PLPPR4: variants seen among roughly 807,000 people sequenced by gnomAD.
PLPPR4 encodes phospholipid phosphatase-related protein type 4.
Under a neutral mutation model 56.6 loss-of-function variants are expected in PLPPR4, and 24 were observed. The observed-to-expected ratio is 0.42, with a 90% CI of 0.31 to 0.60. PLPPR4 has a LOEUF of 0.60. Ranked by LOEUF, PLPPR4 falls within the 20% of genes least tolerant of loss-of-function variation. PLPPR4 has a pLI of 0.13. For synonymous variants in PLPPR4, 326 were observed against 328.1 expected, an observed-to-expected ratio of 0.99 and a Z score of 0.07; for missense variants, 654 against 885.8, an observed-to-expected ratio of 0.74 and a Z score of 3.32.
At chr1:99,287,804 T>C (rs143747567) in intron 1 of PLPPR4, among the ~76,000 whole-genome samples, 161 bp from the exon 2 acceptor site, 2 of 152,170 alleles carry the variant, frequency 1.3e-5, no homozygotes, top group African/African-American at 4.8e-5. Flanking sequence ...GGGGGGTGAA[T>C]TGGAATCCAT....
intron 2 of PLPPR4, among the ~76,000 whole-genome samples, chr1:99,294,697 A>G (rs1431641542): frequency 7.2e-6 from 1 of 138,598 alleles, no homozygotes; most frequent in Admixed American, 7.0e-5. Flanking sequence ...CTCAGTCTCA[A>G]AAAAAAAAAA....
At chr1:99,288,349 A>G (rs887095384) in intron 2 of PLPPR4, among the ~76,000 whole-genome samples, 199 bp downstream of exon 2, 2 of 152,190 alleles carry the variant, frequency 1.3e-5, no homozygotes, top group African/African-American at 4.8e-5. Flanking sequence ...ACATTTTATG[A>G]TTGGAGAAAT....
chr1:99,274,815 T>C (rs963941653), intron 1 of PLPPR4, among the ~76,000 whole-genome samples: 10 of 152,170 alleles, frequency 6.6e-5, no homozygotes. Context: ...GCCATTCTTA[T>C]CTTTCCAGAG....
rs779657578 is a variant in PLPPR4, at chr1:99,264,568, G to A, written c.-26G>A. On this transcript the variant is annotated 5_prime_UTR_variant, in exon 1 of 7. Coordinates refer to ENST00000370185, the MANE Select transcript of PLPPR4 (RefSeq NM_014839.5). ...GCTGTGCACACCTCGCCCGGGGGAG[G>A]ACGCAGACCCGGGCAGGCGGCAGGG... 6.4e-7 allele frequency: 1 copy of A among 1,550,992 alleles called. No individual in the cohort carries two copies. Among genetic ancestry groups the A allele is most frequent in the Non-Finnish European group, 8.7e-7 (1 of 1,147,068 alleles).
intron 4 of PLPPR4, among the ~76,000 whole-genome samples, chr1:99,299,841 C>T (rs1659838784): frequency 6.6e-6 from 1 of 151,902 alleles, no homozygotes; most frequent in Non-Finnish European, 1.5e-5. Flanking sequence ...CAATGCATTA[C>T]ATTTCTTAAT....
chr1:99,291,094 C>T (rs1659608268), intron 2 of PLPPR4, among the ~76,000 whole-genome samples: 1 of 148,392 alleles, frequency 6.7e-6, no homozygotes, highest in East Asian at 2.0e-4. Flanking sequence ...AACAAATTTA[C>T]CAAAAAAAAA....
chr1:99,266,059 G>T (rs1472992902), intron 1 of PLPPR4, among the ~76,000 whole-genome samples: 1 of 152,134 alleles, frequency 6.6e-6, no homozygotes, highest in Non-Finnish European at 1.5e-5. Context: ...ACATGGTTTA[G>T]GTAATTTTTG....
intron 1 of PLPPR4, among the ~76,000 whole-genome samples, chr1:99,278,569 A>G (rs908790416): frequency 2.0e-5 from 3 of 152,174 alleles, no homozygotes; most frequent in African/African-American, 7.2e-5. Flanking sequence ...CTCAGGTCTT[A>G]GTCTCTAACG....
intron 2 of PLPPR4, among the ~76,000 whole-genome samples, chr1:99,289,253 C>T (rs922220896): frequency 2.6e-5 from 4 of 152,092 alleles, no homozygotes; most frequent in East Asian, 1.9e-4. Flanking sequence ...CTAATGAATT[C>T]GCCTATTCAG....
intron 6 of PLPPR4, among the ~76,000 whole-genome samples, chr1:99,302,188 A>G (rs1368401258): frequency 6.6e-6 from 1 of 152,120 alleles, no homozygotes; most frequent in East Asian, 1.9e-4. Flanking sequence ...ATAATGCTAC[A>G]GATGAGGAAA....
In PLPPR4 at chr1:99,306,096, T is replaced by C. The variant is rs186804853; in HGVS notation, c.1234T>C (p.Leu412=). ...GAAGAATAAGAATGAAAGTCGAAAG[T>C]TGTCCTTGCAAGTTATAGAGCCTGA... ...QWKNKNESRK[L]SLQVIEPEPG... Residue 412 remains leucine, a synonymous_variant, in exon 7 of 7, where the codon TTG becomes CTG. Transcript: ENST00000370185. This position sits in a 1 kb window ranked among gnomAD's most constrained non-coding sequence, Gnocchi z 4.0. 1 of 1,614,044 alleles carries C rather than the reference T, an allele frequency of 6.2e-7. No homozygotes were observed. Among genetic ancestry groups the C allele is most frequent in the South Asian group, 1.1e-5 (1 of 91,068 alleles).
chr1:99,291,453 C>T (rs140757007), intron 2 of PLPPR4, among the ~76,000 whole-genome samples: 1 of 152,150 alleles, frequency 6.6e-6, no homozygotes, highest in Non-Finnish European at 1.5e-5. Context: ...ATAAATCATT[C>T]TATTATAAAG....
At chr1:99,277,311 T>A (rs185311049) in intron 1 of PLPPR4, among the ~76,000 whole-genome samples, 23 of 152,326 alleles carry the variant, frequency 1.5e-4, no homozygotes, top group Admixed American at 9.8e-4. Flanking sequence ...TCTACTCTTG[T>A]CTGCAGCCAA....
chr1:99,305,972 G>A lies in PLPPR4; in HGVS notation c.1110G>A (p.Pro370=), dbSNP rs202142961. The change falls in exon 7 of 7, where the codon CCG becomes CCA. Residue 370 remains proline, a synonymous_variant. Coordinates refer to ENST00000370185, the MANE Select transcript of PLPPR4 (RefSeq NM_014839.5). ...ENMVTFSNTL[P]RANTPSVEDP... ...TGGTTACCTTCAGCAATACCTTGCC[G>A]CGAGCCAATACCCCATCTGTAGAAG... The A allele has an allele frequency of 8.7e-6, 14 of 1,613,958 alleles. No individual in the cohort carries two copies. In the South Asian group the frequency reaches 1.1e-4, roughly 13 times the overall value.
At chr1:99,278,617 T>G (rs1438926727) in intron 1 of PLPPR4, among the ~76,000 whole-genome samples, 1 of 152,138 alleles carries the variant, frequency 6.6e-6, no homozygotes, top group East Asian at 1.9e-4. Context: ...CAATGCACAT[T>G]CTTCAGTGTC....
intron 6 of PLPPR4, among the ~76,000 whole-genome samples, chr1:99,303,047 T>A (rs1288775753): frequency 6.6e-6 from 1 of 152,116 alleles, no homozygotes; most frequent in African/African-American, 2.4e-5. Flanking sequence ...AACAAAGTAT[T>A]TTAGGAATAG....
At chr1:99,298,658 G>A (rs984647412) in intron 3 of PLPPR4, among the ~76,000 whole-genome samples, 1 of 152,120 alleles carries the variant, frequency 6.6e-6, no homozygotes, top group African/African-American at 2.4e-5. Flanking sequence ...AATAACCCTG[G>A]CAACTTAAAA....
Position 99,306,155 on chromosome 1 carries a change from G to A in PLPPR4, c.1293G>A (p.Met431Ile). The A allele has an allele frequency of 6.2e-7, 1 of 1,614,138 alleles. No homozygotes were observed. The highest frequency in any genetic ancestry group is 1.7e-4 in the Middle Eastern group (1 of 6,060). The stretch of plus-strand genomic sequence containing the variant: ...AGTCACCACCCAGATCCATAGAAAT[G>A]AGGTCAAGCTCAGAGCCATCGAGGG... ...PGQSPPRSIE[M>I]RSSSEPSRVG... The change falls in exon 7 of 7, where the codon ATG (methionine) becomes ATA (isoleucine). Residue 431 changes from methionine to isoleucine, a missense_variant. This residue lies in a region of PLPPR4 where 468 missense variants were observed against 554.3 expected (regional missense o/e 0.84). Coordinates refer to ENST00000370185, the MANE Select transcript of PLPPR4 (RefSeq NM_014839.5). This position sits in a 1 kb window ranked among gnomAD's most constrained non-coding sequence, Gnocchi z 4.0.
chr1:99,285,549 C>T (rs1023190289), intron 1 of PLPPR4, among the ~76,000 whole-genome samples: 3 of 152,002 alleles, frequency 2.0e-5, no homozygotes, highest in Admixed American at 2.0e-4. Context: ...TTTTGATATA[C>T]TTTTTGTTCT....
Sources: gnomAD v4.1 joint callset for allele counts (sites outside exome capture counted in the v4.1 genomes callset) on GRCh38, gnomAD v4.1.1 for gene constraint, gnomAD v4.1.1 regional missense constraint, Gnocchi (gnomAD v3.1) non-coding constraint, MANE v1.5 for transcripts, NCBI Gene and HGNC (gene_info 2026-07-23, HGNC 2026-07-21) for gene names.